PTPRN2: variants seen among roughly 807,000 people sequenced by gnomAD.
The protein encoded by PTPRN2 is receptor-type tyrosine-protein phosphatase N2.
Under a neutral mutation model 118.8 loss-of-function variants are expected in PTPRN2, and 74 were observed. The observed-to-expected ratio is 0.62, with a 90% confidence interval of 0.52 to 0.76. PTPRN2 has a LOEUF of 0.76. PTPRN2 is among the 30% of genes least tolerant of loss of function. The pLI is 0.00. For synonymous variants in PTPRN2, 641 were observed against 608.0 expected (o/e 1.05, Z -0.80); for missense variants, 1,481 against 1,394.4 (o/e 1.06, Z -0.99).
chr7:157,569,827 G>A (rs1799672310), intron 20 of PTPRN2, among the ~76,000 whole-genome samples: 1 of 152,170 alleles, frequency 6.6e-6, no homozygotes, highest in Admixed American at 6.5e-5. Flanking sequence ...TTAAACAGAG[G>A]ACCTTTTACA....
intron 2 of PTPRN2, among the ~76,000 whole-genome samples, chr7:158,392,461 C>T (rs1430955966): frequency 6.6e-6 from 1 of 152,194 alleles, no homozygotes; most frequent in African/African-American, 2.4e-5. Flanking sequence ...TCTGGGGAAC[C>T]ATCCTGGCAT....
intron 22 of PTPRN2, among the ~76,000 whole-genome samples, chr7:157,545,327 T>G (rs1585009679): frequency 6.8e-6 from 1 of 147,970 alleles, no homozygotes; most frequent in Admixed American, 6.7e-5. Flanking sequence ...GGTGTGTAGG[T>G]GTGTGTGGGG....
chr7:158,133,415 T>G (rs1199640600), intron 9 of PTPRN2, among the ~76,000 whole-genome samples: 1 of 152,304 alleles, frequency 6.6e-6, no homozygotes, highest in East Asian at 1.9e-4. Flanking sequence ...GGAAGGGATT[T>G]GCTTGGTTTG....
At position 157,619,340 on chromosome 7, in the gene PTPRN2, C is replaced by T. The variant is rs908811814; in HGVS notation, c.2344+2022G>A. On this transcript the variant is annotated intron_variant, in intron 15 of 22. Coordinates refer to ENST00000389418, the MANE Select transcript of PTPRN2 (RefSeq NM_002847.5). This position sits in a 1 kb window ranked among gnomAD's most constrained non-coding sequence, Gnocchi z 5.3. ...ACGCTTACTGCATGGCTATTTACCA[C>T]GAACCATTCTCCACTCAGGACTCAG... is the stretch of plus-strand genomic sequence containing the variant. 3.3e-5 allele frequency among the ~76,000 whole-genome samples: 5 copies of T among 152,258 alleles called. No homozygotes were observed. Among genetic ancestry groups the T allele is most frequent in the East Asian group, 1.9e-4 (1 of 5,168 alleles).
intron 22 of PTPRN2, among the ~76,000 whole-genome samples, chr7:157,547,187 C>T (rs995959452): frequency 1.3e-5 from 2 of 152,208 alleles, no homozygotes; most frequent in African/African-American, 4.8e-5. Flanking sequence ...CACGAACACA[C>T]CTGCCTGAGG....
At chr7:158,552,839 C>G (rs1826750191) in intron 1 of PTPRN2, among the ~76,000 whole-genome samples, 1 of 152,232 alleles carries the variant, frequency 6.6e-6, no homozygotes, top group Non-Finnish European at 1.5e-5. Flanking sequence ...CATCCAAGGG[C>G]TCCTGACACC....
chr7:157,915,699 G>A (rs562739277), intron 11 of PTPRN2, among the ~76,000 whole-genome samples: 1 of 152,246 alleles, frequency 6.6e-6, no homozygotes, highest in South Asian at 2.1e-4. Context: ...TTTACCCGGT[G>A]TGGAGAAGAT....
chr7:158,491,043 G>C (rs961077223), intron 1 of PTPRN2, among the ~76,000 whole-genome samples: 12 of 152,216 alleles, frequency 7.9e-5, no homozygotes, highest in Admixed American at 6.5e-4. Flanking sequence ...CCAGGGTCAC[G>C]TTAAAGTTTC....
rs1157369117 is a variant in PTPRN2, at chr7:158,438,605, G to T, written c.163+51130C>A. On this transcript the variant is annotated intron_variant, in intron 2 of 22. Transcript: ENST00000389418. The surrounding 1 kb of genome is among the most constrained non-coding windows in gnomAD (Gnocchi z 4.7). ...CAGGAAATCTGATCCGATGCAAACA[G>T]ATCATTATAGCCAAGAGAAGGTCAG... Among the ~76,000 whole-genome samples, 1 of 152,140 alleles carries T rather than the reference G, an allele frequency of 6.6e-6. No individual in the cohort carries two copies. Among genetic ancestry groups the T allele is most frequent in the Non-Finnish European group, 1.5e-5 (1 of 68,032 alleles).
At chr7:157,906,036 G>A (rs946737962) in intron 11 of PTPRN2, among the ~76,000 whole-genome samples, 7 of 152,180 alleles carry the variant, frequency 4.6e-5, no homozygotes, top group African/African-American at 1.7e-4. Context: ...CAGCATCTCC[G>A]GGTAATTTGG....
intron 12 of PTPRN2, among the ~76,000 whole-genome samples, chr7:157,821,516 G>A (rs1806840528): frequency 1.3e-5 from 2 of 152,218 alleles, no homozygotes; most frequent in African/African-American, 2.4e-5. Context: ...GGTGAGCCCA[G>A]CATGGTTGAC....
intron 3 of PTPRN2, among the ~76,000 whole-genome samples, chr7:158,288,653 T>C (rs1280182520): frequency 6.6e-6 from 1 of 152,210 alleles, no homozygotes; most frequent in Non-Finnish European, 1.5e-5. Flanking sequence ...AGAAATTTCA[T>C]AGCTATCACT....
chr7:157,734,282 G>A (rs1018048818), intron 12 of PTPRN2, among the ~76,000 whole-genome samples: 11 of 127,000 alleles, frequency 8.7e-5, no homozygotes, highest in African/African-American at 3.2e-4. Flanking sequence ...GCAGTCTTCC[G>A]TCCCATGCGC....
intron 12 of PTPRN2, among the ~76,000 whole-genome samples, chr7:157,751,975 A>G (rs998387933): frequency 6.6e-6 from 1 of 151,290 alleles, no homozygotes; most frequent in Non-Finnish European, 1.5e-5. Flanking sequence ...GTTGCCCTGG[A>G]CAGCCCGGCC....
chr7:158,171,895 G>A (rs901139963), intron 5 of PTPRN2, among the ~76,000 whole-genome samples: 3 of 152,134 alleles, frequency 2.0e-5, no homozygotes, highest in Non-Finnish European at 2.9e-5. Flanking sequence ...GCAGCCTAAC[G>A]GCATAGACAC....
rs186047279 is a variant in PTPRN2 at position 157,873,465 on chromosome 7, C to T, written c.1788+25208G>A. Among the ~76,000 whole-genome samples the T allele has an allele frequency of 6.6e-5, 10 of 150,988 alleles. No individual in the cohort carries two copies. In the East Asian group the frequency reaches 1.2e-3, roughly 18 times the overall value. On this transcript the variant is annotated intron_variant, in intron 12 of 22. Coordinates refer to ENST00000389418, the MANE Select transcript of PTPRN2 (RefSeq NM_002847.5). ...GCAAGGTCCGTCTCGCCGTGGGGGC[C>T]GGGAGGAGAACGTACCGTCCTCAAG...
intron 12 of PTPRN2, among the ~76,000 whole-genome samples, chr7:157,824,234 GC>G (rs1330259734): frequency 6.6e-6 from 1 of 151,942 alleles, no homozygotes; most frequent in East Asian, 1.9e-4. Flanking sequence ...GCCGACGGCT[GC>G]CAGAGAGTCA....
In PTPRN2 at chr7:158,420,265, C is replaced by T. The variant is rs190121612; in HGVS notation, c.163+69470G>A. Among the ~76,000 whole-genome samples, 5 of 152,280 alleles carry T rather than the reference C, an allele frequency of 3.3e-5. No individual in the cohort carries two copies. The Middle Eastern group carries it at 0.01, about 311-fold the overall frequency. On this transcript the variant is annotated intron_variant, in intron 2 of 22. Coordinates refer to ENST00000389418, the MANE Select transcript of PTPRN2 (RefSeq NM_002847.5). ...AGTGAGGAGGAAGAGACTGCCCACC[C>T]GCGAAAAGGCCCCTCAGTCTTCAGC...
chr7:158,010,981 GAGA>G (rs1261061586), intron 11 of PTPRN2, among the ~76,000 whole-genome samples: 1 of 152,216 alleles, frequency 6.6e-6, no homozygotes. Flanking sequence ...CGCCTCCACG[GAGA>G]AGGTTTTAGA....
Sources: gnomAD v4.1 joint callset for allele counts (sites outside exome capture counted in the v4.1 genomes callset) on GRCh38, gnomAD v4.1.1 for gene constraint, Gnocchi (gnomAD v3.1) non-coding constraint, MANE v1.5 for transcripts, NCBI Gene and HGNC (gene_info 2026-07-23, HGNC 2026-07-21) for gene names.